TAS2R1: variants seen among roughly 807,000 people sequenced by gnomAD.
TAS2R1 encodes the protein taste receptor type 2 member 1.
For synonymous variants in TAS2R1, 141 were observed against 134.2 expected (o/e 1.05, Z -0.35); for missense variants, 370 against 353.4 (o/e 1.05, Z -0.38).
At chr5:9,755,959 C>T in the TAS2R1 span, among the ~76,000 whole-genome samples, 1 of 152,178 alleles carries the variant, frequency 6.6e-6, no homozygotes, top group Non-Finnish European at 1.5e-5. Context: ...GTCTTTATGA[C>T]CTGTATTTTG....
At chr5:9,763,210 A>G in the TAS2R1 span, among the ~76,000 whole-genome samples, 1 of 152,252 alleles carries the variant, frequency 6.6e-6, no homozygotes, top group Non-Finnish European at 1.5e-5. Flanking sequence ...AAGCTGTTAG[A>G]AATATTATGT....
chr5:9,706,442 AG>A (rs1275752996), intron 1 of TAS2R1, among the ~76,000 whole-genome samples: 3 of 152,220 alleles, frequency 2.0e-5, no homozygotes, highest in African/African-American at 7.2e-5. Context: ...AGACTCTCAG[AG>A]GCCACAGCGT....
At chr5:9,697,725 G>A (rs1156974544) in intron 1 of TAS2R1, among the ~76,000 whole-genome samples, 3 of 152,038 alleles carry the variant, frequency 2.0e-5, no homozygotes, top group African/African-American at 7.2e-5. Flanking sequence ...TTTTAAAAGT[G>A]CAATAACAAA....
chr5:9,784,932 A>C, the TAS2R1 span, among the ~76,000 whole-genome samples: 2 of 152,088 alleles, frequency 1.3e-5, no homozygotes, highest in Non-Finnish European at 2.9e-5. Context: ...ATAACATCCT[A>C]CTCTGAGATC....
chr5:9,888,589 C>T, the TAS2R1 span, among the ~76,000 whole-genome samples: 2 of 152,224 alleles, frequency 1.3e-5, no homozygotes, highest in African/African-American at 2.4e-5. Flanking sequence ...GGACCCAAAG[C>T]TGTGTGCAAC....
the TAS2R1 span, among the ~76,000 whole-genome samples, chr5:9,853,410 AT>A: frequency 1.3e-5 from 2 of 152,204 alleles, no homozygotes; most frequent in African/African-American, 4.8e-5. Flanking sequence ...TTATTCAGAA[AT>A]TTTTGGAAAA....
At chr5:9,816,676 T>A in the TAS2R1 span, among the ~76,000 whole-genome samples, 1 of 152,118 alleles carries the variant, frequency 6.6e-6, no homozygotes, top group Non-Finnish European at 1.5e-5. Context: ...CTAGAGGCAT[T>A]CCATCATCAA....
the TAS2R1 span, among the ~76,000 whole-genome samples, chr5:9,878,596 T>C: frequency 1.3e-3 from 195 of 152,340 alleles, 2 homozygotes; most frequent in African/African-American, 4.5e-3. Flanking sequence ...TTTACTTAGG[T>C]CATATGGTCA....
At chr5:9,690,475 C>T (rs1237135315) in intron 1 of TAS2R1, among the ~76,000 whole-genome samples, 2 of 152,062 alleles carry the variant, frequency 1.3e-5, no homozygotes, top group African/African-American at 2.4e-5. Context: ...ATGCTTTTGC[C>T]TTATCAGTTA....
chr5:9,719,573 A>T, the TAS2R1 span, among the ~76,000 whole-genome samples: 1 of 152,134 alleles, frequency 6.6e-6, no homozygotes, highest in South Asian at 2.1e-4. Context: ...TTTTTTAATT[A>T]TTCATCTTGC....
At chr5:9,762,551 T>C in the TAS2R1 span, among the ~76,000 whole-genome samples, 8 of 152,206 alleles carry the variant, frequency 5.3e-5, no homozygotes, top group Admixed American at 2.6e-4. Context: ...CGTGTCACAA[T>C]ATAGACCCGG....
chr5:9,689,903 G>C (rs1285939212), intron 1 of TAS2R1, among the ~76,000 whole-genome samples: 1 of 152,110 alleles, frequency 6.6e-6, no homozygotes, highest in Non-Finnish European at 1.5e-5. Flanking sequence ...CTTGCTTACT[G>C]CACGAATGAG....
intron 1 of TAS2R1, among the ~76,000 whole-genome samples, chr5:9,694,408 CAT>C (rs1338972696): frequency 3.9e-5 from 6 of 152,084 alleles, no homozygotes; most frequent in Non-Finnish European, 8.8e-5. Flanking sequence ...CCCTGAAAAA[CAT>C]GTTTTTGTAC....
the TAS2R1 span, among the ~76,000 whole-genome samples, chr5:9,809,875 T>A: frequency 6.6e-6 from 1 of 152,196 alleles, no homozygotes; most frequent in African/African-American, 2.4e-5. Flanking sequence ...AAATATTTTT[T>A]AAAACGCACC....
intron 1 of TAS2R1, among the ~76,000 whole-genome samples, chr5:9,675,858 T>C (rs1740864854): frequency 6.6e-6 from 1 of 152,208 alleles, no homozygotes; most frequent in African/African-American, 2.4e-5. Flanking sequence ...CATTTTCTTG[T>C]CTAATTGCTC....
upstream of TAS2R1, among the ~76,000 whole-genome samples, chr5:9,633,313 T>TATATATATATATATATATATATATATATA (rs1254101852): frequency 7.8e-6 from 1 of 129,014 alleles, no homozygotes; most frequent in African/African-American, 3.4e-5. Context: ...TATATATATA[T>TATATATATATATATATATATATATATATA]ATATATACAC....
chr5:9,869,633 A>T, the TAS2R1 span, among the ~76,000 whole-genome samples: 1 of 152,198 alleles, frequency 6.6e-6, no homozygotes, highest in Non-Finnish European at 1.5e-5. Context: ...ATAAGCTTCA[A>T]TAATTGATGT....
At chr5:9,862,417 C>T in the TAS2R1 span, among the ~76,000 whole-genome samples, 16 of 152,126 alleles carry the variant, frequency 1.1e-4, no homozygotes, top group Admixed American at 3.9e-4. Flanking sequence ...GAAAAGCAGC[C>T]GTGGAGGAAG....
the TAS2R1 span, among the ~76,000 whole-genome samples, chr5:9,731,385 T>C: frequency 2.0e-5 from 3 of 152,086 alleles, no homozygotes; most frequent in Admixed American, 6.5e-5. Flanking sequence ...TGCCTCCTCC[T>C]CGTGTCTTCT....
Sources: allele counts gnomAD v4.1 joint callset (sites outside exome capture counted in the v4.1 genomes callset), GRCh38; gene constraint gnomAD v4.1.1; transcripts MANE v1.5; gene names NCBI Gene and HGNC (gene_info 2026-07-23, HGNC 2026-07-21).